The following P2RX7 variants were observed in gnomAD, a reference collection of about 807,000 sequenced individuals.
P2RX7 encodes purinergic receptor P2X 7.
In P2RX7, 62 loss-of-function variants were observed where a neutral mutation model predicts 71.6. The observed-to-expected ratio is 0.87, with a 90% CI of 0.71 to 1.07. The LOEUF is 1.07. Among genes scored for constraint, P2RX7 ranks in the 50% least tolerant of loss-of-function variants. The pLI, the probability that P2RX7 is intolerant of heterozygous loss-of-function variation, is 0.00. For missense variants in P2RX7, 686 were observed against 748.5 expected (o/e 0.92, Z 0.97); for synonymous variants, 299 against 283.3 (o/e 1.06, Z -0.56).
Position 121,184,605 on chromosome 12 carries a change from G to T in P2RX7, c.1591G>T (p.Glu531Ter), listed in dbSNP as rs182401754. ...CCTGCAGTTCCTCCTGCTCTACCAGGAGCCCTTGCTGGCGCTGGATGTGGA... is the reference window on the plus strand; with the variant it reads ...CCTGCAGTTCCTCCTGCTCTACCAGTAGCCCTTGCTGGCGCTGGATGTGGA... ...HVLQFLLLYQEPLLALDVDST... is the reference protein window; with the variant it reads ...HVLQFLLLYQ Residue 531 changes from glutamate to a stop codon, truncating the protein, a stop_gained, in exon 13 of 13, where the codon GAG becomes TAG. Transcript: ENST00000328963. LOFTEE classifies it high-confidence loss of function. The T allele has an allele frequency of 9.9e-5, 159 of 1,613,518 alleles. No individual in the cohort carries two copies. The East Asian group carries it at 3.1e-3, about 31-fold the overall frequency.
chr12:121,176,228 AACAC>A (rs56222751), intron 9 of P2RX7, among the ~76,000 whole-genome samples: 57,249 of 140,554 alleles, frequency 0.41, 11,719 homozygotes, highest in East Asian at 0.58. Context: ...CAGCCCCTTC[AACAC>A]ACACACACAC....
chr12:121,136,023 AAT>A lies in P2RX7; in HGVS notation c.125+2946_125+2947del, dbSNP rs1555222078. ...TGTCTCAAAAAAAAAAAAAAAAAAA[AAT>A]ATATATATATATATATAGTATTTTT... On this transcript the variant is annotated intron_variant, in intron 1 of 12. Coordinates refer to ENST00000328963, the MANE Select transcript of P2RX7 (RefSeq NM_002562.6). Among the ~76,000 whole-genome samples, 70 of 15,260 alleles carry A rather than the reference AAT, an allele frequency of 4.6e-3. 5 individuals carry two copies. Among genetic ancestry groups the A allele is most frequent in the African/African-American group, 8.2e-3 (67 of 8,164 alleles). The allele number at this position is 15,260 out of a possible 152,430, so 10.0% of individuals were successfully genotyped here. A position where few individuals can be genotyped will look rare whatever the true frequency, so the allele number is the denominator to read the frequency against.
In P2RX7 at chr12:121,162,574, C is replaced by A; in HGVS notation, c.533+54C>A. ...GGCCCTCAGCGGCGACCAGATGAGGCCTTGCCGAGGCTGCTTGGGCCTTCC... is the reference window on the plus strand; with the variant it reads ...GGCCCTCAGCGGCGACCAGATGAGGACTTGCCGAGGCTGCTTGGGCCTTCC... On this transcript the variant is annotated intron_variant, in intron 5 of 12. Coordinates refer to ENST00000328963, the MANE Select transcript of P2RX7 (RefSeq NM_002562.6). The A allele has an allele frequency of 3.1e-6, 5 of 1,593,738 alleles. No individual in the cohort carries two copies. In the Admixed American group the frequency reaches 5.1e-5, roughly 16 times the overall value.
intron 5 of P2RX7, 99 bp downstream of exon 5, chr12:121,162,619 A>AAAGTCCTGGG (rs1879979919): frequency 2.1e-6 from 3 of 1,443,144 alleles, no homozygotes; most frequent in Admixed American, 4.0e-5. Flanking sequence ...ACAGCCCTGC[A>AAAGTCCTGGG]AAGTCCTGGG....
intron 1 of P2RX7, among the ~76,000 whole-genome samples, chr12:121,145,514 T>C (rs1185164171): frequency 9.9e-5 from 15 of 151,108 alleles, no homozygotes; most frequent in Admixed American, 4.6e-4. Context: ...TTCTTTCTTT[T>C]TTTTTTTTTT....
chr12:121,150,410 T>C (rs1224973129), intron 1 of P2RX7, among the ~76,000 whole-genome samples: 1 of 152,218 alleles, frequency 6.6e-6, no homozygotes, highest in Non-Finnish European at 1.5e-5. Context: ...CCCAGTGTTG[T>C]TCCAGGAGAA....
chr12:121,176,971 G>A (rs1282654579), intron 9 of P2RX7, among the ~76,000 whole-genome samples, 176 bp from the exon 10 acceptor site: 1 of 152,176 alleles, frequency 6.6e-6, no homozygotes. Flanking sequence ...GGCTGAAGCA[G>A]GATGCCTGAG....
At chr12:121,179,507 A>G (rs1451440621) in intron 11 of P2RX7, among the ~76,000 whole-genome samples, 1 of 151,846 alleles carries the variant, frequency 6.6e-6, no homozygotes, top group Non-Finnish European at 1.5e-5. Flanking sequence ...TCTCAAAAAA[A>G]AAAAAAAAAC....
In P2RX7 at chr12:121,184,529, C is replaced by T; in HGVS notation, c.1515C>T (p.Ala505=). ...EELCCRKKPG[A]CITTSELFRK... ...TGTGCTGCCGGAAAAAGCCGGGGGC[C>T]TGCATCACCACCTCAGAGCTGTTCA... The change falls in exon 13 of 13, where the codon GCC becomes GCT. Residue 505 remains alanine, a synonymous_variant. Transcript: ENST00000328963. The T allele has an allele frequency of 6.2e-7, 1 of 1,614,212 alleles. No homozygotes were observed. The highest frequency in any genetic ancestry group is 1.3e-5 in the African/African-American group (1 of 75,064).
chr12:121,138,874 T>A (rs1405786303), intron 1 of P2RX7, among the ~76,000 whole-genome samples: 1 of 152,226 alleles, frequency 6.6e-6, no homozygotes. Context: ...ACTTTACTAC[T>A]ATTTGGTTTC....
intron 1 of P2RX7, among the ~76,000 whole-genome samples, chr12:121,134,310 A>G (rs895219264): frequency 2.0e-5 from 3 of 152,304 alleles, no homozygotes; most frequent in Admixed American, 6.5e-5. Flanking sequence ...TTACATTCCT[A>G]TCAGCAGAGT....
In P2RX7 at chr12:121,184,481, G is replaced by A. The variant is rs779754337; in HGVS notation, c.1467G>A (p.Glu489=). The change falls in exon 13 of 13, where the codon GAG becomes GAA. Residue 489 remains glutamate, a synonymous_variant. Transcript: ENST00000328963. ...CGSCLPSQLP[E]SHRCLEELCC... ...GCTGCCTCCCATCTCAACTCCCTGA[G>A]AGCCACAGGTGCCTGGAGGAGCTGT... The A allele has an allele frequency of 1.2e-6, 2 of 1,614,172 alleles. No individual in the cohort carries two copies. The highest frequency in any genetic ancestry group is 2.2e-5 in the South Asian group (2 of 91,088).
In P2RX7 at chr12:121,184,725, A is replaced by G. The variant is rs1329898810; in HGVS notation, c.1711A>G (p.Ser571Gly). The change falls in exon 13 of 13, where the codon AGC becomes GGC. Residue 571 changes from serine to glycine, a missense_variant. Transcript: ENST00000328963. ...QDMADFAILPSCCRWRIRKEF... is the reference protein window; with the variant it reads ...QDMADFAILPGCCRWRIRKEF... ...CATGGCTGACTTTGCCATCCTGCCC[A>G]GCTGCTGCCGCTGGAGGATCCGGAA... 3.2e-6 allele frequency: 5 copies of G among 1,560,792 alleles called. No homozygotes were observed. Among genetic ancestry groups the G allele is most frequent in the South Asian group, 2.3e-5 (2 of 85,298 alleles).
intron 1 of P2RX7, among the ~76,000 whole-genome samples, chr12:121,141,836 G>A (rs1409331708): frequency 6.6e-6 from 1 of 152,088 alleles, no homozygotes; most frequent in Non-Finnish European, 1.5e-5. Context: ...CCATGTTTAG[G>A]GAACACTCTG....
At chr12:121,162,146 C>A in intron 4 of P2RX7, 1 of 919,962 alleles carries the variant, frequency 1.1e-6, no homozygotes, top group East Asian at 5.2e-5. Context: ...CTGTTCCGCT[C>A]CCCTCATGGG....
At chr12:121,168,306 C>T (rs1177796983) in intron 8 of P2RX7, among the ~76,000 whole-genome samples, 1 of 144,614 alleles carries the variant, frequency 6.9e-6, no homozygotes, top group Non-Finnish European at 1.5e-5. Flanking sequence ...TGGAGTCACA[C>T]TCTGCTTGCC....
At chr12:121,167,147 A>G (rs12299020) in intron 7 of P2RX7, among the ~76,000 whole-genome samples, 6,131 of 151,944 alleles carry the variant, frequency 0.04, 382 homozygotes, top group African/African-American at 0.13. Context: ...TATTTGATAG[A>G]GTGCCCTGAA....
At chr12:121,147,224 C>T (rs140370104) in intron 1 of P2RX7, among the ~76,000 whole-genome samples, 2 of 152,346 alleles carry the variant, frequency 1.3e-5, no homozygotes, top group Non-Finnish European at 2.9e-5. Flanking sequence ...CTGCTATTTA[C>T]CATGTGACCT....
chr12:121,148,022 TAGAA>T (rs1373703338), intron 1 of P2RX7, among the ~76,000 whole-genome samples: 5 of 152,066 alleles, frequency 3.3e-5, no homozygotes, highest in African/African-American at 1.2e-4. Flanking sequence ...TTTACTGTCA[TAGAA>T]AGAACTAATA....
Sources: gnomAD v4.1 joint callset for allele counts (sites outside exome capture counted in the v4.1 genomes callset) on GRCh38, gnomAD v4.1.1 for gene constraint, MANE v1.5 for transcripts, NCBI Gene and HGNC (gene_info 2026-07-23, HGNC 2026-07-21) for gene names.